TBC1D9B: variants seen among roughly 807,000 people sequenced by gnomAD.
The protein encoded by TBC1D9B is TBC1 domain family, member 9B (with GRAM domain).
In TBC1D9B, 87 loss-of-function variants were observed where a neutral mutation model predicts 121.1. The ratio of observed to expected loss-of-function variants is 0.72; its 90% CI spans 0.60 to 0.86. The LOEUF is 0.86. Ranked by LOEUF, TBC1D9B falls within the 40% of genes least tolerant of loss-of-function variation. The pLI is 0.00. For missense variants in TBC1D9B, 1,540 were observed against 1,628.6 expected, an observed-to-expected ratio of 0.95 and a Z score of 0.94; for synonymous variants, 668 against 670.1, an observed-to-expected ratio of 1.00 and a Z score of 0.05.
chr5:179,896,663 C>T (rs984894210), intron 3 of TBC1D9B, among the ~76,000 whole-genome samples: 4 of 151,966 alleles, frequency 2.6e-5, no homozygotes, highest in Admixed American at 6.6e-5. Context: ...GGTGGGATTA[C>T]AGGTGCGCGA....
chr5:179,899,017 G>A (rs958387891), intron 3 of TBC1D9B, among the ~76,000 whole-genome samples, 172 bp downstream of exon 3: 2 of 152,140 alleles, frequency 1.3e-5, no homozygotes, highest in Admixed American at 1.3e-4. Flanking sequence ...GGTTTTCCTG[G>A]GTCACGAGTT....
At chr5:179,867,943 C>T in intron 17 of TBC1D9B, 94 bp from the exon 18 acceptor site, 1 of 1,285,446 alleles carries the variant, frequency 7.8e-7, no homozygotes, top group South Asian at 2.0e-5. Context: ...GCCTTGCTTT[C>T]CCTGCCCACG....
At position 179,890,322 on chromosome 5, in the gene TBC1D9B, C is replaced by G. The variant is rs961837450; in HGVS notation, c.1044+1057G>C. Among the ~76,000 whole-genome samples the G allele has an allele frequency of 6.6e-6, 1 of 152,204 alleles. No individual in the cohort carries two copies. Among genetic ancestry groups the G allele is most frequent in the East Asian group, 1.9e-4 (1 of 5,190 alleles). The stretch of plus-strand genomic sequence containing the variant: ...GCTAGTCCTGCTCCCCGAGCTCCGC[C>G]AGGGCTCTCTACCATCTGAGATGTC... On this transcript the variant is annotated intron_variant, in intron 6 of 20. Coordinates refer to ENST00000355235, the MANE Select transcript of TBC1D9B (RefSeq NM_015043.4). This position sits in a 1 kb window ranked among gnomAD's most constrained non-coding sequence, Gnocchi z 5.0.
In TBC1D9B at chr5:179,862,540, G is replaced by T. The variant is rs962827459; in HGVS notation, c.*908C>A. On this transcript the variant is annotated 3_prime_UTR_variant, in exon 21 of 21. Transcript: ENST00000355235. ...CTCAGGGCATCCCCTGATGCAGGTTGGTCAGGACCTGCCCAGCTTGCACCA... is the reference window on the plus strand; with the variant it reads ...CTCAGGGCATCCCCTGATGCAGGTTTGTCAGGACCTGCCCAGCTTGCACCA... The T allele has an allele frequency of 1.1e-5, 5 of 456,222 alleles. No individual in the cohort carries two copies. In the East Asian group the frequency reaches 3.5e-4, roughly 32 times the overall value. 28.3% of individuals were successfully genotyped at this position (456,222 alleles called of 1,614,324 possible).
In TBC1D9B at chr5:179,907,620, C is replaced by T. The variant is rs1479108008; in HGVS notation, c.118+84G>A. 2.6e-6 allele frequency: 2 copies of T among 761,526 alleles called. No individual in the cohort carries two copies. Among genetic ancestry groups the T allele is most frequent in the East Asian group, 1.3e-4 (1 of 7,690 alleles). The allele number at this position is 761,526 out of a possible 1,614,324, so 47.2% of individuals were successfully genotyped here. A position where few individuals can be genotyped will look rare whatever the true frequency, so the allele number is the denominator to read the frequency against. ...GCGACGCGCCGAGGCCGGGCCGGAA[C>T]CGGACCCGCCCGCCGCCCGCCGCCA... is the stretch of plus-strand genomic sequence containing the variant. On this transcript the variant is annotated intron_variant, in intron 1 of 20. Transcript: ENST00000355235. This position sits in a 1 kb window ranked among gnomAD's most constrained non-coding sequence, Gnocchi z 5.3.
Position 179,879,037 on chromosome 5 carries a change from C to A in TBC1D9B, c.1567+10G>T. 6.3e-7 allele frequency: 1 copy of A among 1,599,414 alleles called. No individual in the cohort carries two copies. The highest frequency in any genetic ancestry group is 8.5e-7 in the Non-Finnish European group (1 of 1,179,118). On this transcript the variant is annotated intron_variant, in intron 9 of 20. Transcript: ENST00000355235. ...TGAGCTGAGGCTGGGGGTGGCTGCACCCCACTCACCGGAGAAGAGGAGCCA... is the reference window on the plus strand; with the variant it reads ...TGAGCTGAGGCTGGGGGTGGCTGCAACCCACTCACCGGAGAAGAGGAGCCA...
chr5:179,895,410 A>G (rs1266716571), intron 3 of TBC1D9B, among the ~76,000 whole-genome samples: 3 of 152,078 alleles, frequency 2.0e-5, no homozygotes, highest in Non-Finnish European at 2.9e-5. Flanking sequence ...TCTGTTCTGT[A>G]AAGCGCTTCT....
chr5:179,883,330 CT>C (rs1760591629), intron 7 of TBC1D9B, among the ~76,000 whole-genome samples: 1 of 152,030 alleles, frequency 6.6e-6, no homozygotes, highest in South Asian at 2.1e-4. Flanking sequence ...TATTCCACTG[CT>C]TTTTTCTGGG....
Position 179,869,844 on chromosome 5 carries a change from A to C in TBC1D9B, c.2726-10T>G, listed in dbSNP as rs756124213. On this transcript the variant is annotated splice_polypyrimidine_tract_variant and intron_variant, in intron 16 of 20. Coordinates refer to ENST00000355235, the MANE Select transcript of TBC1D9B (RefSeq NM_015043.4). ...CCGTGGTACATCCCGCCTGTGGAGA[A>C]GGCCAGGGAGGGCTGGGTCTGGCAA... 1.8e-5 allele frequency: 28 copies of C among 1,537,958 alleles called. No homozygotes were observed. Among genetic ancestry groups the C allele is most frequent in the African/African-American group, 4.1e-5 (3 of 72,590 alleles).
rs571718906 is a variant in TBC1D9B at position 179,902,142 on chromosome 5, C to T, written c.229+2560G>A. 3.9e-5 allele frequency among the ~76,000 whole-genome samples: 6 copies of T among 152,316 alleles called. No individual in the cohort carries two copies. The highest frequency in any genetic ancestry group is 2.1e-4 in the South Asian group (1 of 4,830). ...AAGCTCCCGGCCTCATGGGCTTCCA[C>T]GTAAAAGCGTGTGCAGACACGTCAT... On this transcript the variant is annotated intron_variant, in intron 2 of 20. Coordinates refer to ENST00000355235, the MANE Select transcript of TBC1D9B (RefSeq NM_015043.4). The surrounding 1 kb of genome is among the most constrained non-coding windows in gnomAD (Gnocchi z 4.9).
rs768540202 is a variant in TBC1D9B at position 179,888,256 on chromosome 5, G to A, written c.1101C>T (p.Ile367=). ...GGAATGTCATTTTGCTTTTGGTGCT[G>A]ATGGACAGGGGGCTGGGCAGCACGC... is the stretch of plus-strand genomic sequence containing the variant. ...SSSVLPSPLS[I]STKSKMTFLF... The change falls in exon 7 of 21, where the codon ATC becomes ATT. Residue 367 remains isoleucine (I), a synonymous_variant. Coordinates refer to ENST00000355235, the MANE Select transcript of TBC1D9B (RefSeq NM_015043.4). 11 of 1,611,744 alleles carry A rather than the reference G, an allele frequency of 6.8e-6. No individual in the cohort carries two copies. In the Admixed American group the frequency reaches 1.7e-4, roughly 25 times the overall value.
intron 10 of TBC1D9B, 70 bp from the exon 11 acceptor site, chr5:179,876,107 C>A (rs1475743950): frequency 5.5e-6 from 7 of 1,268,538 alleles, no homozygotes; most frequent in South Asian, 1.4e-5. Context: ...CTCTCCCCAC[C>A]CCTCCCAGCC....
intron 10 of TBC1D9B, among the ~76,000 whole-genome samples, chr5:179,877,088 A>C (rs867305983): frequency 7.3e-5 from 11 of 150,168 alleles, no homozygotes; most frequent in African/African-American, 2.4e-4. Context: ...AAAAAAAAAA[A>C]AAAAAAAGCC....
intron 18 of TBC1D9B, 181 bp from the exon 19 acceptor site, chr5:179,866,069 A>G (rs1470825711): frequency 1.6e-6 from 1 of 635,734 alleles, no homozygotes; most frequent in Non-Finnish European, 2.7e-6. Context: ...CTATGGCACC[A>G]GAGCAAAAGG....
Position 179,907,331 on chromosome 5 carries a change from G to A in TBC1D9B, c.118+373C>T, listed in dbSNP as rs1761352115. ...AGGCACCTGGGGAAACTGAGGTGGA[G>A]GATGAGGACAGGGCGGTCTCGCCAA... On this transcript the variant is annotated intron_variant, in intron 1 of 20. Coordinates refer to ENST00000355235, the MANE Select transcript of TBC1D9B (RefSeq NM_015043.4). The surrounding 1 kb of genome is among the most constrained non-coding windows in gnomAD (Gnocchi z 5.3). 6.6e-6 allele frequency among the ~76,000 whole-genome samples: 1 copy of A among 152,114 alleles called. No homozygotes were observed. The highest frequency in any genetic ancestry group is 2.4e-5 in the African/African-American group (1 of 41,438).
intron 7 of TBC1D9B, among the ~76,000 whole-genome samples, chr5:179,884,879 T>C (rs936249159): frequency 6.6e-6 from 1 of 152,196 alleles, no homozygotes; most frequent in Non-Finnish European, 1.5e-5. Flanking sequence ...TACTGTTTAA[T>C]GGGTTCAGAG....
Position 179,893,206 on chromosome 5 carries a change from C to A in TBC1D9B, c.836+3G>T. 6.2e-7 allele frequency: 1 copy of A among 1,600,604 alleles called. No homozygotes were observed. Among genetic ancestry groups the A allele is most frequent in the Non-Finnish European group, 8.5e-7 (1 of 1,172,806 alleles). On this transcript the variant is annotated splice_donor_region_variant and intron_variant, in intron 5 of 20. Coordinates refer to ENST00000355235, the MANE Select transcript of TBC1D9B (RefSeq NM_015043.4). ...CCCACCCCAGCCCTGGAGGGCAACG[C>A]ACCGCTTCAGGGCTGAGATGTTCCT...
At position 179,865,841 on chromosome 5, in the gene TBC1D9B, C is replaced by T. The variant is rs1401130664; in HGVS notation, c.2911G>A (p.Gly971Arg). The change falls in exon 19 of 21, where the codon GGA (glycine) becomes AGA (arginine). Residue 971 changes from glycine to arginine, a missense_variant. By Grantham distance (125) the Gly-to-Arg change is moderately radical (BLOSUM62 -2). Transcript: ENST00000355235. This position sits in a 1 kb window ranked among gnomAD's most constrained non-coding sequence, Gnocchi z 5.1. ...EQEGSGSEERGEEKGTSSPDY... is the reference protein window; with the variant it reads ...EQEGSGSEERREEKGTSSPDY... The stretch of plus-strand genomic sequence containing the variant: ...AGCGGCAGAGAATGGCCTGTACCTC[C>T]TCTCTCCTCACTTCCACTTCCTTCT... The T allele has an allele frequency of 6.2e-7, 1 of 1,607,650 alleles. No homozygotes were observed.
chr5:179,886,662 T>C (rs1161247260), intron 7 of TBC1D9B, among the ~76,000 whole-genome samples: 3 of 152,240 alleles, frequency 2.0e-5, no homozygotes, highest in Non-Finnish European at 4.4e-5. Flanking sequence ...CACACGGCTC[T>C]AGAGCATGGA....
Sources: allele counts gnomAD v4.1 joint callset (sites outside exome capture counted in the v4.1 genomes callset), GRCh38; gene constraint gnomAD v4.1.1; non-coding constraint Gnocchi (gnomAD v3.1); transcripts MANE v1.5; gene names NCBI Gene and HGNC (gene_info 2026-07-23, HGNC 2026-07-21).